Variants in CAP2 observed in about 807,000 individuals in gnomAD.
CAP2 encodes the protein cyclase associated actin cytoskeleton regulatory protein 2.
Under a neutral mutation model 57.7 loss-of-function variants are expected in CAP2, and 24 were observed. The observed-to-expected ratio is 0.42, with a 90% CI of 0.30 to 0.58. CAP2 has a LOEUF of 0.58. Ranked by LOEUF, CAP2 falls within the 20% of genes least tolerant of loss-of-function variation. The pLI is 0.22. For missense variants in CAP2, 501 were observed against 590.3 expected (o/e 0.85, Z 1.57); for synonymous variants, 194 against 207.2 (o/e 0.94, Z 0.55).
At chr6:17,500,361 A>G (rs1435899619) in intron 4 of CAP2, among the ~76,000 whole-genome samples, 1 of 95,448 alleles carries the variant, frequency 1.0e-5, no homozygotes, top group Non-Finnish European at 2.1e-5. Flanking sequence ...ATATATATAT[A>G]TATATATATA....
intron 11 of CAP2, among the ~76,000 whole-genome samples, chr6:17,548,002 G>T (rs770361725): frequency 1.3e-5 from 2 of 151,930 alleles, no homozygotes; most frequent in Non-Finnish European, 2.9e-5. Context: ...AAAACATTCA[G>T]CAAGATGGTA....
At chr6:17,476,225 G>A (rs889229126) in intron 4 of CAP2, among the ~76,000 whole-genome samples, 8 of 152,164 alleles carry the variant, frequency 5.3e-5, no homozygotes, top group African/African-American at 1.9e-4. Context: ...TTAAAATACA[G>A]TGTTTACGTT....
chr6:17,479,607 A>ATTTT (rs11336517), intron 4 of CAP2, among the ~76,000 whole-genome samples: 14 of 126,448 alleles, frequency 1.1e-4, no homozygotes, highest in African/African-American at 4.6e-4. Flanking sequence ...CTGCTTTTTA[A>ATTTT]TTTTTTTTTT....
At chr6:17,502,089 A>G (rs1443226807) in intron 4 of CAP2, among the ~76,000 whole-genome samples, 1 of 152,240 alleles carries the variant, frequency 6.6e-6, no homozygotes, top group Non-Finnish European at 1.5e-5. Context: ...ACTAGCTGCT[A>G]GACATATCTG....
intron 4 of CAP2, among the ~76,000 whole-genome samples, chr6:17,506,648 A>AC (rs1424231820): frequency 1.3e-5 from 2 of 151,878 alleles, no homozygotes; most frequent in African/African-American, 4.8e-5. Context: ...AAAAAAAAAA[A>AC]AGGGTTGCGG....
At chr6:17,527,012 G>A (rs1313821140) in intron 7 of CAP2, among the ~76,000 whole-genome samples, 2 of 149,902 alleles carry the variant, frequency 1.3e-5, no homozygotes, top group African/African-American at 2.5e-5. Flanking sequence ...ACGGTTTATT[G>A]GTCCAGTCTG....
At chr6:17,547,829 A>C (rs1763084231) in intron 11 of CAP2, among the ~76,000 whole-genome samples, 1 of 143,344 alleles carries the variant, frequency 7.0e-6, no homozygotes, top group African/African-American at 2.6e-5. Flanking sequence ...CAACAGAGTG[A>C]GACTCTGTCT....
intron 1 of CAP2, among the ~76,000 whole-genome samples, chr6:17,401,635 A>G (rs1581485965): frequency 1.3e-5 from 2 of 152,240 alleles, no homozygotes; most frequent in Admixed American, 6.5e-5. Context: ...CTAAATGCAG[A>G]TAGTCTATCT....
chr6:17,492,185 T>A (rs1761559780), intron 4 of CAP2, among the ~76,000 whole-genome samples: 1 of 152,186 alleles, frequency 6.6e-6, no homozygotes, highest in Admixed American at 6.5e-5. Context: ...TAATCAACCA[T>A]GGGAAATGGT....
rs140857696 is a variant in CAP2, at chr6:17,440,751, G to A, written c.222+14061G>A. Among the ~76,000 whole-genome samples, 963 of 151,088 alleles carry A rather than the reference G, an allele frequency of 6.4e-3. 53 individuals carry two copies. The highest frequency in any genetic ancestry group is 0.022 in the African/African-American group (903 of 40,662). ...TTTGTTACATATGTACTCATGTGCC[G>A]TGTTGGTTTGCTGCACCCATTAACT... is the stretch of plus-strand genomic sequence containing the variant. On this transcript the variant is annotated intron_variant, in intron 3 of 12. Transcript: ENST00000229922.
At chr6:17,522,773 GT>G (rs1301176545) in intron 7 of CAP2, among the ~76,000 whole-genome samples, 1 of 152,196 alleles carries the variant, frequency 6.6e-6, no homozygotes, top group Non-Finnish European at 1.5e-5. Flanking sequence ...GTTTGAAGTT[GT>G]TTCCTTTGCC....
At chr6:17,461,835 AC>A (rs1464829487) in intron 3 of CAP2, among the ~76,000 whole-genome samples, 1 of 150,812 alleles carries the variant, frequency 6.6e-6, no homozygotes, top group Non-Finnish European at 1.5e-5. Flanking sequence ...TACTAAAAAT[AC>A]AAAAAAATTA....
At chr6:17,498,235 A>G (rs569533366) in intron 4 of CAP2, among the ~76,000 whole-genome samples, 10 of 152,230 alleles carry the variant, frequency 6.6e-5, no homozygotes, top group Non-Finnish European at 1.5e-4. Flanking sequence ...AAGAATAGTA[A>G]GTGGGAAGTG....
At chr6:17,481,452 A>AT (rs11422531) in intron 4 of CAP2, among the ~76,000 whole-genome samples, 122,071 of 152,136 alleles carry the variant, frequency 0.8, 49,451 homozygotes, top group East Asian at 1. Flanking sequence ...AACAAAAAAA[A>AT]CTTTTGTTCA....
rs200502912 is a variant in CAP2, at chr6:17,421,600, C to T, written c.45C>T (p.Val15=). The stretch of plus-strand genomic sequence containing the variant: ...TGGTGGAAAGACTGGAACGAGCTGT[C>T]AGCCGCCTGGAGTCGCTGTCTGCAG... The part of the protein sequence containing the change: ...QGLVERLERA[V]SRLESLSAES... Residue 15 remains valine, a synonymous_variant, in exon 2 of 13, where the codon GTC becomes GTT. Transcript: ENST00000229922. 1 of 1,614,130 alleles carries T rather than the reference C, an allele frequency of 6.2e-7. No homozygotes were observed. Among genetic ancestry groups the T allele is most frequent in the East Asian group, 2.2e-5 (1 of 44,876 alleles).
chr6:17,420,268 C>T (rs1311160527), intron 1 of CAP2, among the ~76,000 whole-genome samples: 1 of 152,200 alleles, frequency 6.6e-6, no homozygotes, highest in East Asian at 1.9e-4. Flanking sequence ...TCTCTACAAA[C>T]CACCCCACCT....
chr6:17,523,024 G>A (rs1001622805), intron 7 of CAP2, among the ~76,000 whole-genome samples: 6 of 152,256 alleles, frequency 3.9e-5, no homozygotes, highest in South Asian at 2.1e-4. Flanking sequence ...GTGAGCCACC[G>A]TACCCAGCCT....
chr6:17,498,820 C>T (rs953826701), intron 4 of CAP2, among the ~76,000 whole-genome samples: 5 of 152,032 alleles, frequency 3.3e-5, no homozygotes, highest in Admixed American at 3.3e-4. Flanking sequence ...GCTCCGCCTC[C>T]TGGGTTCACG....
At chr6:17,404,657 G>T (rs866151184) in intron 1 of CAP2, among the ~76,000 whole-genome samples, 1 of 149,062 alleles carries the variant, frequency 6.7e-6, no homozygotes, top group Non-Finnish European at 1.5e-5. Flanking sequence ...TGTAATCCCA[G>T]TTACTTGGGA....
Sources: allele counts gnomAD v4.1 joint callset (sites outside exome capture counted in the v4.1 genomes callset), GRCh38; gene constraint gnomAD v4.1.1; transcripts MANE v1.5; gene names NCBI Gene and HGNC (gene_info 2026-07-23, HGNC 2026-07-21).